Variants in CTNNA3 observed in about 807,000 individuals in gnomAD.
CTNNA3 encodes the protein catenin alpha-3.
A neutral mutation model predicts 95.7 loss-of-function variants in CTNNA3; 76 were observed. The observed-to-expected ratio is 0.79, with a 90% CI of 0.66 to 0.96. CTNNA3 has a LOEUF of 0.96. Among genes scored for constraint, CTNNA3 ranks in the 40% least tolerant of loss-of-function variants. CTNNA3 has a pLI of 0.00. For synonymous variants in CTNNA3, 431 were observed against 374.4 expected (o/e 1.15, Z -1.74); for missense variants, 1,191 against 1,089.8 (o/e 1.09, Z -1.31).
intron 10 of CTNNA3, among the ~76,000 whole-genome samples, chr10:66,612,265 T>G (rs1007700154): frequency 6.6e-6 from 1 of 152,114 alleles, no homozygotes; most frequent in African/African-American, 2.4e-5. Flanking sequence ...AATATTCAAT[T>G]ATCTTTTAGC....
chr10:67,463,175 G>A (rs1847450275), intron 5 of CTNNA3, among the ~76,000 whole-genome samples: 1 of 151,976 alleles, frequency 6.6e-6, no homozygotes, highest in Admixed American at 6.6e-5. Flanking sequence ...AAAGTGCTGG[G>A]ATTATAGGCG....
intron 7 of CTNNA3, among the ~76,000 whole-genome samples, chr10:66,955,932 T>C (rs1367519325): frequency 6.6e-6 from 1 of 152,138 alleles, no homozygotes; most frequent in Admixed American, 6.6e-5. Context: ...GGAAATTTGC[T>C]TAGGCAAAAT....
chr10:66,517,210 G>T (rs903572819), intron 11 of CTNNA3, among the ~76,000 whole-genome samples: 1 of 152,008 alleles, frequency 6.6e-6, no homozygotes, highest in Non-Finnish European at 1.5e-5. Flanking sequence ...GACACAGAGA[G>T]ACTCTGTCTC....
intron 5 of CTNNA3, among the ~76,000 whole-genome samples, chr10:67,292,040 TG>T (rs1839856685): frequency 6.6e-6 from 1 of 152,154 alleles, no homozygotes; most frequent in African/African-American, 2.4e-5. Flanking sequence ...ATAGGTTGAG[TG>T]GGGAAGGTCT....
At chr10:66,859,858 C>T (rs1843840857) in intron 7 of CTNNA3, among the ~76,000 whole-genome samples, 2 of 130,470 alleles carry the variant, frequency 1.5e-5, no homozygotes, top group Admixed American at 1.5e-4. Context: ...GAGTTCATGT[C>T]CTTTGTAGGG....
chr10:65,957,665 A>G (rs901399106), intron 17 of CTNNA3, among the ~76,000 whole-genome samples: 1 of 152,134 alleles, frequency 6.6e-6, no homozygotes, highest in Non-Finnish European at 1.5e-5. Flanking sequence ...GTTTGGCTGG[A>G]TATCAAATTC....
chr10:66,453,832 A>G (rs867846807), intron 11 of CTNNA3, among the ~76,000 whole-genome samples: 2 of 152,228 alleles, frequency 1.3e-5, no homozygotes, highest in South Asian at 2.1e-4. Flanking sequence ...TTAATATAAT[A>G]TTAAATACCT....
At chr10:67,662,774 C>T (rs1027332646) in intron 1 of CTNNA3, among the ~76,000 whole-genome samples, 8 of 152,018 alleles carry the variant, frequency 5.3e-5, no homozygotes, top group Middle Eastern at 3.4e-3. Context: ...TTGATTGTGG[C>T]GGTGATGGTT....
chr10:66,592,100 C>CAA (rs34776713), intron 10 of CTNNA3, among the ~76,000 whole-genome samples: 8 of 116,376 alleles, frequency 6.9e-5, no homozygotes, highest in African/African-American at 1.7e-4. Flanking sequence ...TCTAGCTTGG[C>CAA]AAAAAAAAAA....
intron 1 of CTNNA3, among the ~76,000 whole-genome samples, chr10:67,740,863 T>G (rs1454148913): frequency 6.6e-6 from 1 of 151,376 alleles, no homozygotes; most frequent in Non-Finnish European, 1.5e-5. Context: ...TGCACACGTA[T>G]GTTTATTGCA....
chr10:66,794,933 T>C (rs1323045926), intron 7 of CTNNA3, among the ~76,000 whole-genome samples: 2 of 152,282 alleles, frequency 1.3e-5, no homozygotes, highest in South Asian at 2.1e-4. Flanking sequence ...CTGTCAAAGT[T>C]TTATCCTAAG....
chr10:67,488,150 T>C (rs902089283), intron 5 of CTNNA3, among the ~76,000 whole-genome samples: 1 of 151,936 alleles, frequency 6.6e-6, no homozygotes, highest in African/African-American at 2.4e-5. Flanking sequence ...ACAGACTGTT[T>C]GGGGAGGAGA....
At chr10:67,317,109 TTAGA>T (rs1841086673) in intron 5 of CTNNA3, among the ~76,000 whole-genome samples, 1 of 152,174 alleles carries the variant, frequency 6.6e-6, no homozygotes, top group Non-Finnish European at 1.5e-5. Context: ...AAAGAAAAAA[TTAGA>T]TAGCAATTAT....
chr10:66,273,990 A>G (rs1202324163), intron 13 of CTNNA3, among the ~76,000 whole-genome samples: 4 of 152,174 alleles, frequency 2.6e-5, no homozygotes, highest in Non-Finnish European at 5.9e-5. Context: ...AATATTTGGG[A>G]TGATTAGATG....
chr10:66,572,488 C>T (rs963497198), intron 10 of CTNNA3, among the ~76,000 whole-genome samples: 2 of 151,556 alleles, frequency 1.3e-5, no homozygotes, highest in African/African-American at 4.9e-5. Flanking sequence ...CCTATCTATA[C>T]ATACACCTTA....
chr10:66,129,149 A>C (rs888409084), intron 13 of CTNNA3, among the ~76,000 whole-genome samples: 6 of 152,180 alleles, frequency 3.9e-5, no homozygotes, highest in Non-Finnish European at 7.3e-5. Flanking sequence ...CTGTAATCCC[A>C]GCTACTCGGG....
At chr10:67,142,269 T>G (rs956391543) in intron 7 of CTNNA3, among the ~76,000 whole-genome samples, 1 of 152,180 alleles carries the variant, frequency 6.6e-6, no homozygotes, top group African/African-American at 2.4e-5. Context: ...TAGAACATAG[T>G]CAAGGTTAGT....
At chr10:67,473,844 T>C (rs1044105649) in intron 5 of CTNNA3, among the ~76,000 whole-genome samples, 8 of 152,198 alleles carry the variant, frequency 5.3e-5, no homozygotes, top group African/African-American at 1.9e-4. Flanking sequence ...GTGTATAGGC[T>C]ATGTGAAATT....
intron 9 of CTNNA3, among the ~76,000 whole-genome samples, chr10:66,716,899 A>C (rs899499834): frequency 1.3e-5 from 2 of 152,168 alleles, no homozygotes; most frequent in Admixed American, 1.3e-4. Context: ...ATATTTATCT[A>C]AATGTTTCTG....
Sources: gnomAD v4.1 joint callset for allele counts (sites outside exome capture counted in the v4.1 genomes callset) on GRCh38, gnomAD v4.1.1 for gene constraint, MANE v1.5 for transcripts, NCBI Gene and HGNC (gene_info 2026-07-23, HGNC 2026-07-21) for gene names.